The following SNRNP200 variants were observed in gnomAD, a reference collection of about 807,000 sequenced individuals.
The protein encoded by SNRNP200 is U5 small nuclear ribonucleoprotein 200 kDa helicase.
In SNRNP200, 66 loss-of-function variants were observed where a neutral mutation model predicts 255.2. The observed-to-expected ratio is 0.26, with a 90% confidence interval of 0.21 to 0.32. The LOEUF (loss-of-function observed/expected upper bound fraction) is 0.32, where lower values mean the gene tolerates loss of function less well. Ranked by LOEUF, SNRNP200 falls within the 10% of genes least tolerant of loss-of-function variation. SNRNP200 has a pLI of 1.00. For synonymous variants in SNRNP200, 939 were observed against 1,027.8 expected (o/e 0.91, Z 1.65); for missense variants, 1,585 against 2,749.8 (o/e 0.58, Z 9.47).
chr2:96,282,229 C>T (rs1285320650), intron 34 of SNRNP200: 3 of 369,994 alleles, frequency 8.1e-6, no homozygotes, highest in African/African-American at 4.1e-5. Flanking sequence ...AGTGCTAACA[C>T]TCATGCAGCC....
intron 3 of SNRNP200, among the ~76,000 whole-genome samples, chr2:96,302,328 C>T (rs1361408212): frequency 6.6e-6 from 1 of 152,192 alleles, no homozygotes; most frequent in East Asian, 1.9e-4. Context: ...TTCTGCCAAC[C>T]AGTACAGCCC....
Position 96,275,287 on chromosome 2 carries a change from G to A in SNRNP200, c.6237C>T (p.Ile2079=), listed in dbSNP as rs747552116. 8.7e-6 allele frequency: 14 copies of A among 1,614,050 alleles called. No homozygotes were observed. Among genetic ancestry groups the A allele is most frequent in the African/African-American group, 1.3e-5 (1 of 74,920 alleles). Residue 2079 remains isoleucine (I), a synonymous_variant, in exon 44 of 45, where the codon ATC becomes ATT. Transcript: ENST00000323853. ...CCTTCTGCTGCAAGGTCAGCCTCTT[G>A]ATGGAGATGAGGCTATTGGACTTGG... ...GDAKSNSLIS[I]KRLTLQQKAK...
chr2:96,283,179 C>A lies in SNRNP200; in HGVS notation c.4915+22G>T, dbSNP rs766230074. On this transcript the variant is annotated intron_variant, in intron 34 of 44. Transcript: ENST00000323853. The surrounding 1 kb of genome is among the most constrained non-coding windows in gnomAD (Gnocchi z 4.7). Reference sequence around the variant, plus strand: ...CACTTGGTGATACCCTTGCTATGCTCCCCTTCCGTGGCCTGACTTACCTGA... The same window carrying A: ...CACTTGGTGATACCCTTGCTATGCTACCCTTCCGTGGCCTGACTTACCTGA... 1.9e-6 allele frequency: 3 copies of A among 1,613,558 alleles called. No individual in the cohort carries two copies. The South Asian group carries it at 3.3e-5, about 18-fold the overall frequency.
rs1481817515 is a variant in SNRNP200 at position 96,286,481 on chromosome 2, C to G, written c.3833G>C (p.Cys1278Ser). The G allele has an allele frequency of 6.2e-7, 1 of 1,613,968 alleles. No individual in the cohort carries two copies. The highest frequency in any genetic ancestry group is 8.5e-7 in the Non-Finnish European group (1 of 1,180,026). Residue 1278 changes from cysteine to serine, a missense_variant, in exon 29 of 45, where the codon TGT (cysteine) becomes TCT (serine). Physicochemically the swap from Cys to Ser is moderately radical, Grantham distance 112. This residue lies in a region of SNRNP200 where 719 missense variants were observed against 1,091.1 expected (regional missense o/e 0.66). Transcript: ENST00000323853. The surrounding 1 kb of genome is among the most constrained non-coding windows in gnomAD (Gnocchi z 4.8). The stretch of plus-strand genomic sequence containing the variant: ...GAAGGAGACAGGCAGCTGGGTCTCA[C>G]AAGCTGCCAGAAAAGAAACAGGAAG... ...IRVVSDRWLS[C>S]ETQLPVSFRH...
chr2:96,300,942 C>CCTTT, intron 5 of SNRNP200, 56 bp downstream of exon 5: 12 of 1,432,726 alleles, frequency 8.4e-6, no homozygotes, highest in Non-Finnish European at 1.2e-5. Flanking sequence ...AGAAGGGGTC[C>CCTTT]CTTTACCTTA....
chr2:96,301,585 C>T lies in SNRNP200; in HGVS notation c.513G>A (p.Val171=). ...TGATCTTTTTGCCCAGGTTCACTAGCACATGGTATCTGGTATCATCTGTTT... is the reference window on the plus strand; with the variant it reads ...TGATCTTTTTGCCCAGGTTCACTAGTACATGGTATCTGGTATCATCTGTTT... ...LGQTDDTRYH[V]LVNLGKKITD... Residue 171 remains valine, a synonymous_variant, in exon 4 of 45, where the codon GTG becomes GTA. Transcript: ENST00000323853. The T allele has an allele frequency of 6.2e-7, 1 of 1,614,198 alleles. No homozygotes were observed. Among genetic ancestry groups the T allele is most frequent in the Non-Finnish European group, 8.5e-7 (1 of 1,180,044 alleles).
chr2:96,278,717 G>A lies in SNRNP200; in HGVS notation c.5324-6C>T, dbSNP rs1191892411. The A allele has an allele frequency of 6.2e-7, 1 of 1,614,244 alleles. No homozygotes were observed. On this transcript the variant is annotated splice_polypyrimidine_tract_variant and splice_region_variant and intron_variant, in intron 37 of 44. Transcript: ENST00000323853. This position sits in a 1 kb window ranked among gnomAD's most constrained non-coding sequence, Gnocchi z 6.9. ...CAAGTGACGATGGGAGATGCCTATGGAGGCGAGAGGTGAGTGGGGAGCCTC... is the reference window on the plus strand; with the variant it reads ...CAAGTGACGATGGGAGATGCCTATGAAGGCGAGAGGTGAGTGGGGAGCCTC...
rs1684700128 is a variant in SNRNP200, at chr2:96,278,107, A to C, written c.5610+130T>G. On this transcript the variant is annotated intron_variant, in intron 39 of 44. Transcript: ENST00000323853. This position sits in a 1 kb window ranked among gnomAD's most constrained non-coding sequence, Gnocchi z 6.9. ...GGAGATGGGTTTGAGGGAGGTATGG[A>C]GCGGGAGGACATATGGCGGGGGTCG... is the stretch of plus-strand genomic sequence containing the variant. 3.3e-6 allele frequency: 5 copies of C among 1,530,278 alleles called. No homozygotes were observed. The highest frequency in any genetic ancestry group is 4.5e-6 in the Non-Finnish European group (5 of 1,107,218). 94.8% of individuals were successfully genotyped at this position (1,530,278 alleles called of 1,614,324 possible).
rs1036323259 is a variant in SNRNP200 at position 96,283,727 on chromosome 2, A to C, written c.4585-14T>G. The C allele has an allele frequency of 6.2e-7, 1 of 1,613,926 alleles. No individual in the cohort carries two copies. The highest frequency in any genetic ancestry group is 1.7e-5 in the Admixed American group (1 of 60,028). ...GATGTTGAAGCCCTGGCGACCGGGG[A>C]GAAGAAAAGACACCAAGGTTATCAG... On this transcript the variant is annotated splice_polypyrimidine_tract_variant and intron_variant, in intron 32 of 44. Transcript: ENST00000323853. The surrounding 1 kb of genome is among the most constrained non-coding windows in gnomAD (Gnocchi z 4.7).
In SNRNP200 at chr2:96,281,918, A is replaced by ACTGCTCAGGG; in HGVS notation, c.4919_4920insCCCTGAGCAG (p.Ile1641ProfsTer46). 6.2e-7 allele frequency: 1 copy of ACTGCTCAGGG among 1,613,824 alleles called. No individual in the cohort carries two copies. The highest frequency in any genetic ancestry group is 8.5e-7 in the Non-Finnish European group (1 of 1,179,808). ...TCCGAGAAGCCACCACCACCTGGAT[A>ACTGCTCAGGG]GCCCCTGAGCAGTAGAGGGGAGAGG... On this transcript the variant is annotated frameshift_variant, in exon 35 of 45. Coordinates refer to ENST00000323853, the MANE Select transcript of SNRNP200 (RefSeq NM_014014.5). LOFTEE classifies it high-confidence loss of function.
chr2:96,291,552 C>T lies in SNRNP200; in HGVS notation c.2311-50G>A, dbSNP rs746864097. 3.7e-6 allele frequency: 5 copies of T among 1,340,456 alleles called. No homozygotes were observed. Among genetic ancestry groups the T allele is most frequent in the Non-Finnish European group, 5.4e-6 (5 of 931,552 alleles). The allele number at this position is 1,340,456 out of a possible 1,614,324, so 83.0% of individuals were successfully genotyped here. A position where few individuals can be genotyped will look rare whatever the true frequency, so the allele number is the denominator to read the frequency against. On this transcript the variant is annotated intron_variant, in intron 17 of 44. Transcript: ENST00000323853. This position sits in a 1 kb window ranked among gnomAD's most constrained non-coding sequence, Gnocchi z 4.2. ...AGGCGAGCCTTCCTGTAGGACTCAT[C>T]CAAGGACTAAGGAAATCTCCTCCCA...
At chr2:96,289,171 C>A in intron 22 of SNRNP200, 54 bp from the exon 23 acceptor site, 1 of 1,613,794 alleles carries the variant, frequency 6.2e-7, no homozygotes, top group South Asian at 1.1e-5. Context: ...GGAGGGACAC[C>A]ATTCAGTGAC....
intron 34 of SNRNP200, chr2:96,282,737 C>T (rs1179959119): frequency 5.6e-5 from 16 of 284,330 alleles, no homozygotes; most frequent in Non-Finnish European, 2.1e-5. Context: ...ATGCCTGCTT[C>T]CCCTTTGCCT....
intron 30 of SNRNP200, 162 bp from the exon 31 acceptor site, chr2:96,284,747 TTC>T (rs2063832529): frequency 1.6e-6 from 1 of 618,374 alleles, no homozygotes; most frequent in Admixed American, 3.0e-5. Context: ...GGGCAGCTTT[TTC>T]TTTTTTTTTT....
chr2:96,280,998 G>A (rs952214499), intron 35 of SNRNP200, among the ~76,000 whole-genome samples: 11 of 151,422 alleles, frequency 7.3e-5, no homozygotes, highest in Non-Finnish European at 1.2e-4. Context: ...AATTACAGGT[G>A]AGTGGCTTGA....
At chr2:96,276,684 TG>T (rs1684669833) in intron 43 of SNRNP200, 1 of 625,134 alleles carries the variant, frequency 1.6e-6, no homozygotes, top group Non-Finnish European at 3.0e-6. Context: ...CCTCCCAAAG[TG>T]CTGGGATTAC....
intron 35 of SNRNP200, among the ~76,000 whole-genome samples, chr2:96,280,508 A>C (rs1377086982): frequency 1.3e-5 from 2 of 151,894 alleles, no homozygotes; most frequent in African/African-American, 4.8e-5. Flanking sequence ...AAAAAAAACA[A>C]CAACAAATTA....
At position 96,293,108 on chromosome 2, in the gene SNRNP200, C is replaced by G. The variant is rs1266911056; in HGVS notation, c.2037-13G>C. ...CACTGGACGGAAGCTAGAAGTTCAA[C>G]AGTTAGACAAATGAGGCTTTGGCAG... is the stretch of plus-strand genomic sequence containing the variant. On this transcript the variant is annotated splice_polypyrimidine_tract_variant and intron_variant, in intron 15 of 44. Transcript: ENST00000323853. 2 of 1,614,168 alleles carry G rather than the reference C, an allele frequency of 1.2e-6. No individual in the cohort carries two copies. Among genetic ancestry groups the G allele is most frequent in the Non-Finnish European group, 1.7e-6 (2 of 1,180,028 alleles).
Position 96,288,713 on chromosome 2 carries a change from G to A in SNRNP200, c.3208C>T (p.Leu1070=). ...NVLLQAFISQ[L]KLEGFALMAD... Reference sequence around the variant, plus strand: ...ATCAGTGCAAAGCCCTCCAATTTCAGCTGTGAGATGAAGGCTTGCAGAAGA... The same window carrying A: ...ATCAGTGCAAAGCCCTCCAATTTCAACTGTGAGATGAAGGCTTGCAGAAGA... Residue 1070 remains leucine, a synonymous_variant, in exon 24 of 45, where the codon CTG becomes TTG. Transcript: ENST00000323853. The A allele has an allele frequency of 6.2e-7, 1 of 1,614,064 alleles. No individual in the cohort carries two copies. Among genetic ancestry groups the A allele is most frequent in the African/African-American group, 1.3e-5 (1 of 75,018 alleles).
Sources: allele counts gnomAD v4.1 joint callset (sites outside exome capture counted in the v4.1 genomes callset), GRCh38; gene constraint gnomAD v4.1.1; regional missense constraint gnomAD v4.1.1; non-coding constraint Gnocchi (gnomAD v3.1); transcripts MANE v1.5; gene names NCBI Gene and HGNC (gene_info 2026-07-23, HGNC 2026-07-21).